CFAP299: variants seen among roughly 807,000 people sequenced by gnomAD.
The protein encoded by CFAP299 is cilia and flagella associated protein 299.
CFAP299 carries 21 observed loss-of-function variants against 27.0 expected under a neutral mutation model. The observed-to-expected ratio is 0.78, with a 90% confidence interval of 0.55 to 1.12. The LOEUF is 1.12. Among genes scored for constraint, CFAP299 ranks in the 50% most tolerant of loss-of-function variants. The probability of loss-of-function intolerance (pLI) is 0.00; values close to 1 mark genes in which losing one functional copy is unlikely to be tolerated. For synonymous variants in CFAP299, 104 were observed against 98.1 expected (o/e 1.06, Z -0.36); for missense variants, 310 against 276.6 (o/e 1.12, Z -0.86).
Position 80,696,190 on chromosome 4 carries a change from A to C in CFAP299, c.333+113007A>C, listed in dbSNP as rs968952517. ...GTGGCACGCACGTGTAATTCCAGCT[A>C]CTCGGGAGGCTGAGGCAGGAGAATT... On this transcript the variant is annotated intron_variant, in intron 3 of 5. Coordinates refer to ENST00000358105, the MANE Select transcript of CFAP299 (RefSeq NM_152770.3). Among the ~76,000 whole-genome samples, 3 of 151,376 alleles carry C rather than the reference A, an allele frequency of 2.0e-5. No homozygotes were observed. In the Admixed American group the frequency reaches 2.0e-4, roughly 10 times the overall value.
chr4:80,570,196 G>T (rs1252962935), intron 2 of CFAP299, among the ~76,000 whole-genome samples: 14 of 151,958 alleles, frequency 9.2e-5, no homozygotes, highest in African/African-American at 2.4e-5. Context: ...TTTAAACATT[G>T]CATAGGCAAT....
intron 3 of CFAP299, among the ~76,000 whole-genome samples, chr4:80,803,516 C>T (rs1728714938): frequency 6.6e-6 from 1 of 151,948 alleles, no homozygotes; most frequent in Admixed American, 6.6e-5. Context: ...ATCTAAAGCC[C>T]AGCTAAGAGG....
chr4:80,900,168 G>A (rs1306839517), intron 4 of CFAP299, among the ~76,000 whole-genome samples: 1 of 145,286 alleles, frequency 6.9e-6, no homozygotes, highest in Non-Finnish European at 1.5e-5. Flanking sequence ...GTGTCTGAGA[G>A]AGTAGAAGGG....
intron 4 of CFAP299, among the ~76,000 whole-genome samples, chr4:80,924,474 C>T (rs1217575269): frequency 6.7e-6 from 1 of 149,158 alleles, no homozygotes; most frequent in African/African-American, 2.5e-5. Flanking sequence ...AGGCTAATTC[C>T]AAACCATTGC....
At chr4:80,611,214 G>T (rs577093765) in intron 3 of CFAP299, among the ~76,000 whole-genome samples, 1 of 152,122 alleles carries the variant, frequency 6.6e-6, no homozygotes, top group Admixed American at 6.6e-5. Context: ...TTTCACAAAA[G>T]ATATTAAAAG....
At chr4:80,575,718 C>CTTTTATAGTTTTTAAA (rs1735819796) in intron 2 of CFAP299, among the ~76,000 whole-genome samples, 1 of 151,830 alleles carries the variant, frequency 6.6e-6, no homozygotes, top group Admixed American at 6.6e-5. Flanking sequence ...TTTAAAGATG[C>CTTTTATAGTTTTTAAA]ATCATTAAGT....
chr4:80,785,165 T>TAACCATAAATGTATA (rs1727171605), intron 3 of CFAP299, among the ~76,000 whole-genome samples: 1 of 151,696 alleles, frequency 6.6e-6, no homozygotes, highest in Non-Finnish European at 1.5e-5. Flanking sequence ...AGGAGTTTTA[T>TAACCATAAATGTATA]GGTTTTAGGT....
Position 80,800,457 on chromosome 4 carries a change from T to C in CFAP299, c.334-69536T>C, listed in dbSNP as rs1449417421. On this transcript the variant is annotated intron_variant, in intron 3 of 5. Transcript: ENST00000358105. ...TATATAATATATTGATATATTAATA[T>C]AATATATAATATATAATATATTATA... 2.5e-3 allele frequency among the ~76,000 whole-genome samples: 32 copies of C among 12,922 alleles called. 2 individuals carry two copies. The highest frequency in any genetic ancestry group is 5.9e-3 in the African/African-American group (31 of 5,280). The allele number at this position is 12,922 out of a possible 152,430, so 8.5% of individuals were successfully genotyped here.
chr4:80,623,141 CAACAAGAA>C (rs1221012501), intron 3 of CFAP299, among the ~76,000 whole-genome samples: 2 of 151,888 alleles, frequency 1.3e-5, no homozygotes, highest in African/African-American at 4.8e-5. Flanking sequence ...AGAAACAACT[CAACAAGAA>C]ATAAGGAAGG....
intron 3 of CFAP299, among the ~76,000 whole-genome samples, chr4:80,737,600 T>C (rs1723983144): frequency 6.6e-6 from 1 of 152,170 alleles, no homozygotes; most frequent in African/African-American, 2.4e-5. Context: ...CCATTAATGA[T>C]AATTTGAATT....
intron 2 of CFAP299, among the ~76,000 whole-genome samples, chr4:80,563,768 T>A (rs1735152608): frequency 6.6e-6 from 1 of 151,826 alleles, no homozygotes; most frequent in Non-Finnish European, 1.5e-5. Context: ...GAGTTGGTTT[T>A]TGAAAAGTTA....
chr4:80,944,981 T>C, intron 5 of CFAP299, 42 bp downstream of exon 5: 1 of 1,558,768 alleles, frequency 6.4e-7, no homozygotes, highest in Non-Finnish European at 8.8e-7. Context: ...TCTTCACATG[T>C]TATTGTATTT....
At chr4:80,651,552 A>G (rs1045232860) in intron 3 of CFAP299, among the ~76,000 whole-genome samples, 9 of 151,728 alleles carry the variant, frequency 5.9e-5, no homozygotes, top group Non-Finnish European at 1.0e-4. Context: ...TTTTGTAGAG[A>G]TAGGGTCTCT....
upstream of CFAP299, among the ~76,000 whole-genome samples, chr4:80,331,056 A>C (rs1426991500): frequency 6.6e-6 from 1 of 152,230 alleles, no homozygotes; most frequent in Non-Finnish European, 1.5e-5. Flanking sequence ...CTGGGAACAC[A>C]GGAGACTACT....
At chr4:80,531,844 C>A (rs1578561388) in intron 2 of CFAP299, among the ~76,000 whole-genome samples, 1 of 151,440 alleles carries the variant, frequency 6.6e-6, no homozygotes, top group Non-Finnish European at 1.5e-5. Context: ...ACCTCTGTCC[C>A]CTGGATTCAA....
At chr4:80,422,154 C>T (rs1727314014) in intron 2 of CFAP299, among the ~76,000 whole-genome samples, 1 of 152,132 alleles carries the variant, frequency 6.6e-6, no homozygotes, top group Non-Finnish European at 1.5e-5. Flanking sequence ...TTAATGTCTG[C>T]AGACATGATG....
chr4:80,570,364 G>T (rs999561090), intron 2 of CFAP299, among the ~76,000 whole-genome samples: 16 of 152,004 alleles, frequency 1.1e-4, no homozygotes, highest in Admixed American at 2.6e-4. Context: ...TAATATATTT[G>T]CAGAGCATAT....
the CFAP299 span, among the ~76,000 whole-genome samples, chr4:80,323,178 T>A: frequency 6.6e-6 from 1 of 152,186 alleles, no homozygotes; most frequent in African/African-American, 2.4e-5. Context: ...ATCAGGTCAA[T>A]TGGTTCTGGA....
chr4:80,398,612 G>T (rs1019078625), intron 2 of CFAP299, among the ~76,000 whole-genome samples: 2 of 90,802 alleles, frequency 2.2e-5, no homozygotes, highest in African/African-American at 6.3e-5. Flanking sequence ...TTTAATAAAT[G>T]GTTCTGGGAA....
Sources: allele counts gnomAD v4.1 joint callset (sites outside exome capture counted in the v4.1 genomes callset), GRCh38; gene constraint gnomAD v4.1.1; transcripts MANE v1.5; gene names NCBI Gene and HGNC (gene_info 2026-07-23, HGNC 2026-07-21).